Variants in PER2 observed in about 807,000 individuals in gnomAD.
PER2 encodes the protein period circadian protein homolog 2.
A neutral mutation model predicts 121.0 loss-of-function variants in PER2; 66 were observed. The observed-to-expected ratio is 0.55, with a 90% confidence interval of 0.45 to 0.67. PER2 has a LOEUF of 0.67. Among genes scored for constraint, PER2 ranks in the 30% least tolerant of loss-of-function variants. The pLI is 0.00. For missense variants in PER2, 1,521 were observed against 1,635.0 expected (o/e 0.93, Z 1.20); for synonymous variants, 684 against 659.9 (o/e 1.04, Z -0.56).
Position 238,246,480 on chromosome 2 carries a change from T to A in PER2, c.3663A>T (p.Ile1221=). The change falls in exon 23 of 23, where the codon ATA becomes ATT. Residue 1221 remains isoleucine, a synonymous_variant. Coordinates refer to ENST00000254657, the MANE Select transcript of PER2 (RefSeq NM_022817.3). ...GAGAAGGAATATCTTCCTCATATGG[T>A]ATGCAAATATTACCTTTTTCCTTGT... ...CENKEKGNIC[I]PYEEDIPSLG... is the part of the protein sequence containing the mutation. 6.3e-7 allele frequency: 1 copy of A among 1,589,534 alleles called. No individual in the cohort carries two copies. Among genetic ancestry groups the A allele is most frequent in the Non-Finnish European group, 8.6e-7 (1 of 1,157,700 alleles).
chr2:238,264,659 C>T (rs755571278), intron 9 of PER2, among the ~76,000 whole-genome samples: 12 of 152,088 alleles, frequency 7.9e-5, no homozygotes, highest in Non-Finnish European at 1.6e-4. Flanking sequence ...GGGTCTTTTG[C>T]TGTGACCTAG....
chr2:238,251,481 G>A (rs1433540725), intron 20 of PER2, 118 bp downstream of exon 20: 6 of 908,852 alleles, frequency 6.6e-6, no homozygotes, highest in Non-Finnish European at 1.1e-5. Flanking sequence ...GGCTCTGACA[G>A]CTGCTTGGGG....
chr2:238,259,836 C>T (rs1340522488), intron 14 of PER2, 133 bp downstream of exon 14: 4 of 643,264 alleles, frequency 6.2e-6, no homozygotes, highest in Middle Eastern at 2.5e-4. Flanking sequence ...CTGTGCTGAA[C>T]GCAGAAGGGG....
Position 238,262,943 on chromosome 2 carries a change from G to C in PER2, c.1153+9C>G. The C allele has an allele frequency of 6.4e-7, 1 of 1,572,854 alleles. No homozygotes were observed. The highest frequency in any genetic ancestry group is 8.8e-7 in the Non-Finnish European group (1 of 1,142,576). The stretch of plus-strand genomic sequence containing the variant: ...ACACTTCAGGATGTACCATGAAAAG[G>C]GGACCTACTCTTTTTGTGGATGGCC... On this transcript the variant is annotated intron_variant, in intron 10 of 22. Coordinates refer to ENST00000254657, the MANE Select transcript of PER2 (RefSeq NM_022817.3).
At chr2:238,272,976 C>T in intron 5 of PER2, 94 bp downstream of exon 5, 2 of 1,171,606 alleles carry the variant, frequency 1.7e-6, no homozygotes. Context: ...CCAAACACTC[C>T]TGCCTTACAG....
Position 238,252,946 on chromosome 2 carries a change from G to A in PER2, c.3077C>T (p.Thr1026Ile). 1.2e-6 allele frequency: 2 copies of A among 1,613,878 alleles called. No homozygotes were observed. The highest frequency in any genetic ancestry group is 1.1e-5 in the South Asian group (1 of 91,058). Residue 1026 changes from threonine (T) to isoleucine (I), a missense_variant, in exon 19 of 23, where the codon ACT becomes ATT. Coordinates refer to ENST00000254657, the MANE Select transcript of PER2 (RefSeq NM_022817.3). This position sits in a 1 kb window ranked among gnomAD's most constrained non-coding sequence, Gnocchi z 4.2. ...AAVGADCKPG[T>I]SRDQQPKAPL... ...CGCCTTCGGCTGCTGGTCCCGAGAA[G>A]TGCCAGGTTTGCAGTCCGCCCCTAC...
At chr2:238,271,569 T>C in intron 5 of PER2, 56 bp from the exon 6 acceptor site, 2 of 1,372,824 alleles carry the variant, frequency 1.5e-6, no homozygotes, top group Non-Finnish European at 2.1e-6. Context: ...GGACGCCACA[T>C]CCGACTCAGG....
Position 238,245,196 on chromosome 2 carries a change from C to T in PER2, c.*1179G>A, listed in dbSNP as rs1415689786. 2 of 192,910 alleles carry T rather than the reference C, an allele frequency of 1.0e-5. No individual in the cohort carries two copies. The highest frequency in any genetic ancestry group is 2.1e-5 in the Non-Finnish European group (2 of 95,228). The allele number at this position is 192,910 out of a possible 1,614,324, so 11.9% of individuals were successfully genotyped here. On this transcript the variant is annotated 3_prime_UTR_variant, in exon 23 of 23. Transcript: ENST00000254657. ...TTTTCTGAACCATCTTTGGAATATACAATGCAACATGAGGTTTTGTAAAAA... is the reference window on the plus strand; with the variant it reads ...TTTTCTGAACCATCTTTGGAATATATAATGCAACATGAGGTTTTGTAAAAA...
rs1695620350 is a variant in PER2, at chr2:238,252,069, T to TC, written c.3112-309dup. ...AGGCTGCTCCTTGGCCACAGCCCCC[T>TC]CCTCACATGCAGCAGACATGGATGG... On this transcript the variant is annotated intron_variant, in intron 19 of 22. Coordinates refer to ENST00000254657, the MANE Select transcript of PER2 (RefSeq NM_022817.3). The surrounding 1 kb of genome is among the most constrained non-coding windows in gnomAD (Gnocchi z 4.2). Among the ~76,000 whole-genome samples the TC allele has an allele frequency of 6.6e-6, 1 of 152,188 alleles. No homozygotes were observed. The highest frequency in any genetic ancestry group is 1.9e-4 in the East Asian group (1 of 5,170).
intron 3 of PER2, 93 bp from the exon 4 acceptor site, chr2:238,275,990 C>T: frequency 2.4e-6 from 3 of 1,239,522 alleles, no homozygotes; most frequent in South Asian, 1.2e-5. Flanking sequence ...TCAGCCTCGG[C>T]TCTAGAGATG....
upstream of PER2, among the ~76,000 whole-genome samples, chr2:238,290,840 G>T (rs1272188617): frequency 6.6e-6 from 1 of 151,850 alleles, no homozygotes; most frequent in Non-Finnish European, 1.5e-5. Flanking sequence ...TGGTGTGTAG[G>T]TCCTGAGGGA....
At chr2:238,248,857 G>A (rs553433748) in intron 22 of PER2, 211 of 608,382 alleles carry the variant, frequency 3.5e-4, no homozygotes, top group African/African-American at 3.4e-3. Context: ...GGGTTTCACC[G>A]TGTTTGCCAG....
At chr2:238,271,892 C>T (rs73088939) in intron 5 of PER2, among the ~76,000 whole-genome samples, 71 of 152,154 alleles carry the variant, frequency 4.7e-4, no homozygotes, top group Admixed American at 1.8e-3. Flanking sequence ...CGGAAAGATG[C>T]CTGCCCCAAG....
At chr2:238,277,035 TAA>T in intron 3 of PER2, 94 bp downstream of exon 3, 2 of 965,910 alleles carry the variant, frequency 2.1e-6, no homozygotes, top group Non-Finnish European at 1.7e-6. Context: ...TAGCACAGCT[TAA>T]AAAAAGCCAC....
In PER2 at chr2:238,275,897, AC is replaced by A; in HGVS notation, c.294-1del. The A allele has an allele frequency of 6.2e-7, 1 of 1,614,124 alleles. No individual in the cohort carries two copies. The highest frequency in any genetic ancestry group is 8.5e-7 in the Non-Finnish European group (1 of 1,179,958). ...TGTCCACTTTCGAAGACTGGTCGCT[AC>A]TGCAGGATTCAAGAAAGAGGCAGCC... is the stretch of plus-strand genomic sequence containing the variant. On this transcript the variant is annotated splice_acceptor_variant, in intron 3 of 22. Coordinates refer to ENST00000254657, the MANE Select transcript of PER2 (RefSeq NM_022817.3). LOFTEE classifies it high-confidence loss of function.
Position 238,249,625 on chromosome 2 carries a change from G to A in PER2, c.3468-413C>T, listed in dbSNP as rs112007104. ...CCACTAGCTGACCAGAGGACTTAGG[G>A]GTTTGATATGGTTTGGCTCTGTGTC... On this transcript the variant is annotated intron_variant, in intron 21 of 22. Coordinates refer to ENST00000254657, the MANE Select transcript of PER2 (RefSeq NM_022817.3). Among the ~76,000 whole-genome samples the A allele has an allele frequency of 9.6e-3, 1,467 of 152,284 alleles. 14 individuals carry two copies. The highest frequency in any genetic ancestry group is 0.014 in the Non-Finnish European group (982 of 68,016).
At chr2:238,264,992 T>C (rs1696049419) in intron 9 of PER2, among the ~76,000 whole-genome samples, 1 of 152,164 alleles carries the variant, frequency 6.6e-6, no homozygotes, top group South Asian at 2.1e-4. Context: ...TGGGAGAAGA[T>C]GCATGGTGGG....
intron 8 of PER2, among the ~76,000 whole-genome samples, chr2:238,266,866 C>T (rs922109277): frequency 4.0e-5 from 6 of 151,678 alleles, no homozygotes; most frequent in East Asian, 1.9e-4. Flanking sequence ...AGTGAAACCC[C>T]GTCTCTACTA....
Position 238,259,966 on chromosome 2 carries a change from T to A in PER2, c.1627+3A>T, listed in dbSNP as rs1456297999. On this transcript the variant is annotated splice_donor_region_variant and intron_variant, in intron 14 of 22. Coordinates refer to ENST00000254657, the MANE Select transcript of PER2 (RefSeq NM_022817.3). ...AGGAAATGTTGAATATTTTTTTTTT[T>A]ACCTGTAACGGATTTTTTCTTTTGT... The A allele has an allele frequency of 1.5e-6, 2 of 1,290,378 alleles. No individual in the cohort carries two copies. Among genetic ancestry groups the A allele is most frequent in the Admixed American group, 1.8e-5 (1 of 56,322 alleles). The allele number at this position is 1,290,378 out of a possible 1,614,324, so 79.9% of individuals were successfully genotyped here.
Sources: gnomAD v4.1 joint callset for allele counts (sites outside exome capture counted in the v4.1 genomes callset) on GRCh38, gnomAD v4.1.1 for gene constraint, Gnocchi (gnomAD v3.1) non-coding constraint, MANE v1.5 for transcripts, NCBI Gene and HGNC (gene_info 2026-07-23, HGNC 2026-07-21) for gene names.